HLTF: variants seen among roughly 807,000 people sequenced by gnomAD.
The protein encoded by HLTF is helicase like transcription factor, also known as DNA-dependent ATPase/E3 ubiquitin-protein ligase HLTF.
Under a neutral mutation model 129.4 loss-of-function variants are expected in HLTF, and 127 were observed. That is an observed-to-expected ratio of 0.98 (90% CI 0.85 to 1.14). HLTF has a LOEUF of 1.14. Among genes scored for constraint, HLTF ranks in the 50% most tolerant of loss-of-function variants. HLTF has a pLI of 0.00. For synonymous variants in HLTF, 332 were observed against 388.8 expected, an observed-to-expected ratio of 0.85 and a Z score of 1.72; for missense variants, 1,139 against 1,187.1, an observed-to-expected ratio of 0.96 and a Z score of 0.60.
chr3:149,046,259 C>A lies in HLTF; in HGVS notation c.1893G>T (p.Arg631Ser), dbSNP rs1264909194. 1 of 1,478,670 alleles carries A rather than the reference C, an allele frequency of 6.8e-7. No homozygotes were observed. The highest frequency in any genetic ancestry group is 9.3e-7 in the Non-Finnish European group (1 of 1,077,570). The allele number at this position is 1,478,670 out of a possible 1,614,324, so 91.6% of individuals were successfully genotyped here. ...PVTMGDEGGLRRLQSLIKNIT... is the reference protein window; with the variant it reads ...PVTMGDEGGLSRLQSLIKNIT... ...TATTTTTAATTAGGGACTGTAAACG[C>A]CTAATCAGAATAAAACAAATAATTA... Residue 631 changes from arginine (R) to serine (S), a missense_variant and splice_region_variant, in exon 18 of 25, where the codon AGG becomes AGT. Transcript: ENST00000310053.
At position 149,060,682 on chromosome 3, in the gene HLTF, G is replaced by T; in HGVS notation, c.1246C>A (p.Leu416Met). The T allele has an allele frequency of 1.2e-6, 2 of 1,612,976 alleles. No individual in the cohort carries two copies. Among genetic ancestry groups the T allele is most frequent in the Non-Finnish European group, 8.5e-7 (1 of 1,179,348 alleles). Reference sequence around the variant, plus strand: ...TTAGTTTCAGACTGTACATTTTTCAGTTTGCCTAAAAATAAAACAAAAATA... The same window carrying T: ...TTAGTTTCAGACTGTACATTTTTCATTTTGCCTAAAAATAAAACAAAAATA... ...SELPQKMKGKLKNVQSETKGR... is the reference protein window; with the variant it reads ...SELPQKMKGKMKNVQSETKGR... The change falls in exon 12 of 25, where the codon CTG becomes ATG. Residue 416 changes from leucine to methionine, a missense_variant. Coordinates refer to ENST00000310053, the MANE Select transcript of HLTF (RefSeq NM_003071.4).
chr3:149,079,795 G>A (rs1334967773), intron 2 of HLTF, among the ~76,000 whole-genome samples: 1 of 152,062 alleles, frequency 6.6e-6, no homozygotes, highest in Non-Finnish European at 1.5e-5. Context: ...GTTTCACCAT[G>A]TTGGCCAGGA....
chr3:149,042,770 C>G (rs919223713), intron 18 of HLTF, among the ~76,000 whole-genome samples: 4 of 152,024 alleles, frequency 2.6e-5, no homozygotes, highest in African/African-American at 9.7e-5. Flanking sequence ...CTCCAAGCAC[C>G]CCTAAAGTTT....
At chr3:149,044,027 C>A (rs1338621933) in intron 18 of HLTF, among the ~76,000 whole-genome samples, 1 of 152,040 alleles carries the variant, frequency 6.6e-6, no homozygotes, top group Non-Finnish European at 1.5e-5. Context: ...CAAAATAATA[C>A]AAAGATTAAA....
chr3:149,082,332 G>A (rs1014947763), intron 2 of HLTF, among the ~76,000 whole-genome samples: 1 of 152,128 alleles, frequency 6.6e-6, no homozygotes, highest in Non-Finnish European at 1.5e-5. Context: ...GGTGGCAGGC[G>A]CCTGTAGTCC....
At chr3:149,039,474 A>T (rs1715931605) in intron 22 of HLTF, 107 bp downstream of exon 22, 1 of 640,590 alleles carries the variant, frequency 1.6e-6, no homozygotes, top group African/African-American at 1.9e-5. Flanking sequence ...CTTTCAGATA[A>T]AATGACTAAA....
intron 11 of HLTF, 23 bp downstream of exon 11, chr3:149,060,756 A>G: frequency 6.2e-7 from 1 of 1,607,442 alleles, no homozygotes; most frequent in African/African-American, 1.3e-5. Flanking sequence ...ACACATTATC[A>G]AATCAAATCT....
At chr3:149,065,938 A>G (rs1718342058) in intron 8 of HLTF, among the ~76,000 whole-genome samples, 1 of 152,252 alleles carries the variant, frequency 6.6e-6, no homozygotes, top group Non-Finnish European at 1.5e-5. Flanking sequence ...AATGCTTTTC[A>G]TCAAACATCC....
chr3:149,048,892 A>G lies in HLTF; in HGVS notation c.1727T>C (p.Leu576Ser). The change falls in exon 16 of 25, where the codon TTA becomes TCA. Residue 576 changes from leucine to serine, a missense_variant. By Grantham distance (145) the Leu-to-Ser change is moderately radical. Transcript: ENST00000310053. ...CAAAACCCATCTTCTTTCTGATTCT[A>G]AGTCAAGTACAGCTTTTGTCTGCTG... ...NAQQTKAVLD[L>S]ESERRWVLTG... The G allele has an allele frequency of 6.2e-7, 1 of 1,613,456 alleles. No homozygotes were observed. Among genetic ancestry groups the G allele is most frequent in the Non-Finnish European group, 8.5e-7 (1 of 1,179,546 alleles).
intron 24 of HLTF, 115 bp from the exon 25 acceptor site, chr3:149,032,487 C>T (rs1188521339): frequency 6.7e-6 from 4 of 599,928 alleles, no homozygotes; most frequent in Non-Finnish European, 8.1e-6. Context: ...TACTTTTGCA[C>T]CAAACTATAA....
intron 7 of HLTF, among the ~76,000 whole-genome samples, chr3:149,070,098 A>T (rs1028817238): frequency 2.0e-5 from 3 of 152,258 alleles, no homozygotes; most frequent in African/African-American, 4.8e-5. Context: ...AAAACAGGGT[A>T]TAAAAAGCTC....
intron 13 of HLTF, among the ~76,000 whole-genome samples, chr3:149,058,224 A>C (rs533416071): frequency 6.6e-6 from 1 of 152,210 alleles, no homozygotes; most frequent in Non-Finnish European, 1.5e-5. Context: ...GGCATGTGCT[A>C]CCATGCCTGG....
Position 149,048,012 on chromosome 3 carries a change from G to A in HLTF, c.1892+16C>T, listed in dbSNP as rs781391092. On this transcript the variant is annotated intron_variant, in intron 17 of 24. Transcript: ENST00000310053. ...TTATTTGTAACTAATATTAATCACT[G>A]TCTGAAAGTACTTACCTAAGTCCTC... The A allele has an allele frequency of 1.3e-6, 2 of 1,580,034 alleles. No homozygotes were observed. Among genetic ancestry groups the A allele is most frequent in the Non-Finnish European group, 1.7e-6 (2 of 1,166,470 alleles).
intron 7 of HLTF, among the ~76,000 whole-genome samples, chr3:149,070,091 A>G (rs1287929684): frequency 2.0e-5 from 3 of 151,462 alleles, no homozygotes; most frequent in Admixed American, 2.0e-4. Flanking sequence ...TTTTAACAAA[A>G]CAGGGTATAA....
chr3:149,032,164 T>C lies in HLTF; in HGVS notation c.*56A>G, dbSNP rs1471716725. On this transcript the variant is annotated 3_prime_UTR_variant, in exon 25 of 25. Coordinates refer to ENST00000310053, the MANE Select transcript of HLTF (RefSeq NM_003071.4). ...TCTCATTTCTAAAACTCTGTATTTT[T>C]CTCATTTCTAAAACTTAAGTATCCA... The C allele has an allele frequency of 1.5e-6, 2 of 1,301,642 alleles. No individual in the cohort carries two copies. Among genetic ancestry groups the C allele is most frequent in the Non-Finnish European group, 2.1e-6 (2 of 957,786 alleles). The allele number at this position is 1,301,642 out of a possible 1,614,324, so 80.6% of individuals were successfully genotyped here.
chr3:149,040,920 G>C (rs543187816), intron 20 of HLTF, among the ~76,000 whole-genome samples: 84 of 152,136 alleles, frequency 5.5e-4, no homozygotes, highest in Admixed American at 1.1e-3. Flanking sequence ...TTCTACCCCA[G>C]CTGAATGACT....
intron 18 of HLTF, among the ~76,000 whole-genome samples, chr3:149,044,426 T>G (rs1344383368): frequency 6.6e-6 from 1 of 152,138 alleles, no homozygotes. Flanking sequence ...AGATCTCTTT[T>G]GAGTGCCTAC....
At chr3:149,039,910 G>T in intron 21 of HLTF, 121 bp downstream of exon 21, 1 of 895,076 alleles carries the variant, frequency 1.1e-6, no homozygotes, top group Non-Finnish European at 1.6e-6. Flanking sequence ...AAAGCCAGTG[G>T]TCAACAACAG....
At chr3:149,047,709 C>G (rs188901352) in intron 17 of HLTF, among the ~76,000 whole-genome samples, 12 of 152,158 alleles carry the variant, frequency 7.9e-5, no homozygotes, top group Admixed American at 7.9e-4. Context: ...CATATTAGAT[C>G]CTCAAAGGAT....
Sources: allele counts gnomAD v4.1 joint callset (sites outside exome capture counted in the v4.1 genomes callset), GRCh38; gene constraint gnomAD v4.1.1; transcripts MANE v1.5; gene names NCBI Gene and HGNC (gene_info 2026-07-23, HGNC 2026-07-21).